Variants in DGKB observed in about 807,000 individuals in gnomAD.
DGKB encodes the protein 90 kDa diacylglycerol kinase.
Under a neutral mutation model 114.3 loss-of-function variants are expected in DGKB, and 67 were observed. The ratio of observed to expected loss-of-function variants is 0.59; its 90% CI spans 0.48 to 0.72. The LOEUF (loss-of-function observed/expected upper bound fraction) is 0.72. DGKB is among the 30% of genes least tolerant of loss of function. The pLI is 0.00. For missense variants in DGKB, 907 were observed against 975.2 expected, an observed-to-expected ratio of 0.93 and a Z score of 0.93; for synonymous variants, 398 against 323.1, an observed-to-expected ratio of 1.23 and a Z score of -2.49.
At chr7:14,176,393 A>T in intron 25 of DGKB, 1 of 984,884 alleles carries the variant, frequency 1.0e-6, no homozygotes, top group Non-Finnish European at 1.2e-6. Context: ...TTTTTTTCTT[A>T]TGGAGAAGAA....
At chr7:14,283,276 G>C (rs910645147) in intron 23 of DGKB, among the ~76,000 whole-genome samples, 1 of 151,180 alleles carries the variant, frequency 6.6e-6, no homozygotes, top group Admixed American at 6.8e-5. Flanking sequence ...GCTTTAAAGA[G>C]AATAAAATAC....
At chr7:14,719,148 A>T (rs12699658) in intron 5 of DGKB, among the ~76,000 whole-genome samples, 3 of 151,894 alleles carry the variant, frequency 2.0e-5, no homozygotes, top group Non-Finnish European at 4.4e-5. Flanking sequence ...ATAAAGTCAT[A>T]TATTTGTTTC....
chr7:14,288,900 T>C (rs1223423779), intron 23 of DGKB, among the ~76,000 whole-genome samples: 2 of 152,190 alleles, frequency 1.3e-5, no homozygotes, highest in Non-Finnish European at 2.9e-5. Flanking sequence ...ACTGTTGCTC[T>C]TGAGTGGAAG....
chr7:14,608,092 A>G (rs1048802649), intron 16 of DGKB, among the ~76,000 whole-genome samples: 1 of 152,078 alleles, frequency 6.6e-6, no homozygotes, highest in African/African-American at 2.4e-5. Flanking sequence ...CATATGACAA[A>G]TAATTCTTTT....
chr7:14,921,176 A>T (rs1784494269), intron 1 of DGKB, among the ~76,000 whole-genome samples: 1 of 152,188 alleles, frequency 6.6e-6, no homozygotes, highest in South Asian at 2.1e-4. Context: ...TTGGAGGGAG[A>T]GGGGAAGTGG....
At chr7:14,504,238 T>C (rs1469470070) in intron 20 of DGKB, among the ~76,000 whole-genome samples, 2 of 152,146 alleles carry the variant, frequency 1.3e-5, no homozygotes, top group Non-Finnish European at 2.9e-5. Context: ...TGGAGCCTTG[T>C]GTAATTCTGA....
intron 23 of DGKB, among the ~76,000 whole-genome samples, chr7:14,335,814 C>T (rs1215459522): frequency 1.3e-5 from 2 of 151,972 alleles, no homozygotes; most frequent in African/African-American, 2.4e-5. Context: ...GGTGCAGTGG[C>T]GCAATCATAG....
chr7:14,207,235 C>T (rs1786979500), intron 23 of DGKB, among the ~76,000 whole-genome samples: 1 of 152,046 alleles, frequency 6.6e-6, no homozygotes, highest in Admixed American at 6.6e-5. Context: ...CACCTGATCC[C>T]TCAGACTGTA....
intron 1 of DGKB, among the ~76,000 whole-genome samples, chr7:14,864,275 T>A (rs1168317795): frequency 6.6e-6 from 1 of 152,134 alleles, no homozygotes; most frequent in Non-Finnish European, 1.5e-5. Context: ...AATAGCAGAA[T>A]CTATGTCAAA....
At chr7:14,258,007 C>T (rs1187082430) in intron 23 of DGKB, among the ~76,000 whole-genome samples, 2 of 152,166 alleles carry the variant, frequency 1.3e-5, no homozygotes, top group Non-Finnish European at 2.9e-5. Context: ...GGATTGCAGG[C>T]GTGAGCCAAT....
chr7:14,684,942 G>C (rs1318075791), intron 10 of DGKB, among the ~76,000 whole-genome samples: 1 of 152,062 alleles, frequency 6.6e-6, no homozygotes, highest in Non-Finnish European at 1.5e-5. Flanking sequence ...TGAAAAACTA[G>C]TGGAAATATT....
chr7:14,800,491 G>A (rs1001436463), intron 2 of DGKB, among the ~76,000 whole-genome samples: 2 of 152,266 alleles, frequency 1.3e-5, no homozygotes, highest in South Asian at 2.1e-4. Flanking sequence ...TCTTTCTCCC[G>A]TGCTGGATGC....
At chr7:14,322,516 A>G (rs1293478674) in intron 23 of DGKB, among the ~76,000 whole-genome samples, 1 of 152,194 alleles carries the variant, frequency 6.6e-6, no homozygotes. Context: ...AGTTAAGCCA[A>G]TAAAGCTTCT....
rs949395139 is a variant in DGKB at position 14,583,078 on chromosome 7, G to A, written c.1493C>T (p.Thr498Ile). ...TATGCAATCCAAAACCCAGCCCACG[G>A]TTCCATCTCCACCACAGGCTAACAC... Reference protein sequence around the residue: ...FRVLACGGDGTVGWVLDCIEK... With the variant: ...FRVLACGGDGIVGWVLDCIEK... The change falls in exon 18 of 26, where the codon ACC (threonine) becomes ATC (isoleucine). Residue 498 changes from threonine to isoleucine, a missense_variant. Thr to Ile is a moderately conservative substitution (Grantham distance 89, BLOSUM62 -1). Around this residue, in one of 3 missense-constraint regions of DGKB, gnomAD observed 814 missense variants for 856.6 expected, o/e 0.95. Coordinates refer to ENST00000402815, the MANE Select transcript of DGKB (RefSeq NM_001350709.2). 6.2e-7 allele frequency: 1 copy of A among 1,613,260 alleles called. No homozygotes were observed. Among genetic ancestry groups the A allele is most frequent in the Non-Finnish European group, 8.5e-7 (1 of 1,179,524 alleles).
intron 23 of DGKB, among the ~76,000 whole-genome samples, chr7:14,328,101 G>A (rs1045703275): frequency 6.6e-6 from 1 of 151,958 alleles, no homozygotes; most frequent in African/African-American, 2.4e-5. Flanking sequence ...GATACTAGTT[G>A]ACTTTCCATC....
At chr7:14,222,208 C>T (rs543682151) in intron 23 of DGKB, among the ~76,000 whole-genome samples, 2 of 150,182 alleles carry the variant, frequency 1.3e-5, no homozygotes, top group African/African-American at 4.9e-5. Flanking sequence ...TTAGTGTGCT[C>T]TTCTTTTTTT....
Position 14,265,318 on chromosome 7 carries a change from C to CTT in DGKB, c.2122+73195_2122+73196dup, listed in dbSNP as rs781569705. Among the ~76,000 whole-genome samples the CTT allele has an allele frequency of 3.1e-3, 213 of 67,724 alleles. 16 individuals are homozygous for CTT. Among genetic ancestry groups the CTT allele is most frequent in the South Asian group, 6.5e-3 (10 of 1,532 alleles). 44.4% of individuals were successfully genotyped at this position (67,724 alleles called of 152,430 possible). A position where few individuals can be genotyped will look rare whatever the true frequency, so the allele number is the denominator to read the frequency against. ...GGACTGCTGTCTTTTCTCTTGCATTCTTTTTTTTTTTTTTTTTTTTGCTTA... is the reference window on the plus strand; with the variant it reads ...GGACTGCTGTCTTTTCTCTTGCATTCTTTTTTTTTTTTTTTTTTTTTTGCTTA... On this transcript the variant is annotated intron_variant, in intron 23 of 25. Coordinates refer to ENST00000402815, the MANE Select transcript of DGKB (RefSeq NM_001350709.2).
chr7:14,554,591 A>C (rs1001475922), intron 20 of DGKB, among the ~76,000 whole-genome samples: 2 of 152,100 alleles, frequency 1.3e-5, no homozygotes, highest in East Asian at 3.9e-4. Flanking sequence ...ATCACATAAT[A>C]AAATATTTTA....
intron 1 of DGKB, among the ~76,000 whole-genome samples, chr7:14,959,805 A>G (rs1786736223): frequency 6.6e-6 from 1 of 151,848 alleles, no homozygotes; most frequent in Non-Finnish European, 1.5e-5. Flanking sequence ...TTTATCCTTC[A>G]CTTTAAATCC....
Sources: allele counts gnomAD v4.1 joint callset (sites outside exome capture counted in the v4.1 genomes callset), GRCh38; gene constraint gnomAD v4.1.1; regional missense constraint gnomAD v4.1.1; transcripts MANE v1.5; gene names NCBI Gene and HGNC (gene_info 2026-07-23, HGNC 2026-07-21).